NUMBL: variants seen among roughly 807,000 people sequenced by gnomAD.
The protein encoded by NUMBL is NUMB like endocytic adaptor protein, also known as numb-like protein.
NUMBL carries 20 observed loss-of-function variants against 48.9 expected under a neutral mutation model. The ratio of observed to expected loss-of-function variants is 0.41; its 90% confidence interval spans 0.29 to 0.59. The LOEUF is 0.59. NUMBL is among the 20% of genes least tolerant of loss of function. NUMBL has a pLI of 0.31. For synonymous variants in NUMBL, 340 were observed against 348.7 expected (o/e 0.98, Z 0.28); for missense variants, 660 against 846.2 (o/e 0.78, Z 2.73).
chr19:40,670,716 G>A (rs1325055487), intron 8 of NUMBL, among the ~76,000 whole-genome samples: 1 of 152,180 alleles, frequency 6.6e-6, no homozygotes, highest in Non-Finnish European at 1.5e-5. Flanking sequence ...GTGCTGCGGG[G>A]GCGCCCGGGT....
chr19:40,681,106 G>A, intron 5 of NUMBL, 49 bp from the exon 6 acceptor site: 1 of 1,596,856 alleles, frequency 6.3e-7, no homozygotes, highest in South Asian at 1.1e-5. Flanking sequence ...TCTCTTTCAA[G>A]TGTTCACTCA....
At position 40,682,314 on chromosome 19, in the gene NUMBL, T is replaced by C. The variant is rs956374605; in HGVS notation, c.399+414A>G. 4.6e-5 allele frequency among the ~76,000 whole-genome samples: 7 copies of C among 151,944 alleles called. No homozygotes were observed. The highest frequency in any genetic ancestry group is 3.4e-3 in the Middle Eastern group (1 of 292). On this transcript the variant is annotated intron_variant, in intron 5 of 9. Transcript: ENST00000252891. This position sits in a 1 kb window ranked among gnomAD's most constrained non-coding sequence, Gnocchi z 4.0. ...GCTAATTTTTGTATTTTTAGTGAGA[T>C]GAGGTTTCACCATATTGCCAGGCTG...
rs2081938846 is a variant in NUMBL, at chr19:40,687,017, A to G, written c.25-22T>C. On this transcript the variant is annotated intron_variant, in intron 1 of 9. Transcript: ENST00000252891. The surrounding 1 kb of genome is among the most constrained non-coding windows in gnomAD (Gnocchi z 4.6). ...CGCCCTGCCCGAGTAGGGGAGGAGA[A>G]GGTGAGAAGTTTGTCTGGGTTGGGG... The G allele has an allele frequency of 1.4e-6, 2 of 1,445,248 alleles. No homozygotes were observed. Among genetic ancestry groups the G allele is most frequent in the South Asian group, 2.8e-5 (2 of 71,774 alleles). 89.5% of individuals were successfully genotyped at this position (1,445,248 alleles called of 1,614,324 possible).
In NUMBL at chr19:40,684,356, A is replaced by G. The variant is rs1312715664; in HGVS notation, c.249+61T>C. ...TGTCCCAGCCAGGCCGCGCACCCGCACAGCACAGCACAGCGGCCCCCGTCC... is the reference window on the plus strand; with the variant it reads ...TGTCCCAGCCAGGCCGCGCACCCGCGCAGCACAGCACAGCGGCCCCCGTCC... On this transcript the variant is annotated intron_variant, in intron 3 of 9. Coordinates refer to ENST00000252891, the MANE Select transcript of NUMBL (RefSeq NM_004756.5). The G allele has an allele frequency of 2.7e-6, 4 of 1,505,000 alleles. No homozygotes were observed. The African/African-American group carries it at 4.2e-5, about 16-fold the overall frequency. 93.2% of individuals were successfully genotyped at this position (1,505,000 alleles called of 1,614,324 possible).
At chr19:40,675,180 A>G (rs2081869194) in intron 7 of NUMBL, among the ~76,000 whole-genome samples, 1 of 130,490 alleles carries the variant, frequency 7.7e-6, no homozygotes, top group African/African-American at 3.0e-5. Flanking sequence ...ACTTAGCTGG[A>G]CGTGGTGGCG....
Position 40,667,232 on chromosome 19 carries a change from G to A in NUMBL, c.*236C>T. ...GGGGAAGGGGGCATTGCCAGCCTAA[G>A]TCCGGCAGTGAAATGGTTCCCTTAG... On this transcript the variant is annotated 3_prime_UTR_variant, in exon 10 of 10. Coordinates refer to ENST00000252891, the MANE Select transcript of NUMBL (RefSeq NM_004756.5). The surrounding 1 kb of genome is among the most constrained non-coding windows in gnomAD (Gnocchi z 6.1). The A allele has an allele frequency of 1.7e-6, 1 of 571,846 alleles. No individual in the cohort carries two copies. The highest frequency in any genetic ancestry group is 2.1e-5 in the South Asian group (1 of 48,476). The allele number at this position is 571,846 out of a possible 1,614,324, so 35.4% of individuals were successfully genotyped here. A position where few individuals can be genotyped will look rare whatever the true frequency, so the allele number is the denominator to read the frequency against.
rs1213303982 is a variant in NUMBL at position 40,670,010 on chromosome 19, C to T, written c.1047G>A (p.Met349Ile). ...CACTGTCGCCGGCACCAGGAGGCTC[C>T]ATCTCAGGCACTGGGAAGCAGGGCA... The part of the protein sequence containing the change: ...DFQVKGTVPE[M>I]EPPGAGDSDS... The change falls in exon 9 of 10, where the codon ATG (methionine) becomes ATA (isoleucine). Residue 349 changes from methionine to isoleucine, a missense_variant. Physicochemically the swap from Met to Ile is conservative, Grantham distance 10. Around this residue, in one of 3 missense-constraint regions of NUMBL, gnomAD observed 278 missense variants for 420.6 expected, o/e 0.66. Transcript: ENST00000252891. The T allele has an allele frequency of 6.2e-7, 1 of 1,613,694 alleles. No individual in the cohort carries two copies. Among genetic ancestry groups the T allele is most frequent in the South Asian group, 1.1e-5 (1 of 91,036 alleles).
In NUMBL at chr19:40,690,556, T is replaced by TGGC. The variant is rs2144673258; in HGVS notation, c.-76_-74dup. 1 of 975,328 alleles carries TGGC rather than the reference T, an allele frequency of 1.0e-6. No homozygotes were observed. Among genetic ancestry groups the TGGC allele is most frequent in the East Asian group, 3.5e-5 (1 of 28,566 alleles). 60.4% of individuals were successfully genotyped at this position (975,328 alleles called of 1,614,324 possible). A position where few individuals can be genotyped will look rare whatever the true frequency, so the allele number is the denominator to read the frequency against. On this transcript the variant is annotated 5_prime_UTR_variant, in exon 1 of 10. Coordinates refer to ENST00000252891, the MANE Select transcript of NUMBL (RefSeq NM_004756.5). ...TCCCCGACTGCTGCTGCTGCGGTGG[T>TGGC]GGCGGCGGCAGCTCGGTCTGACGCC...
rs1315209322 is a variant in NUMBL at position 40,684,464 on chromosome 19, C to A, written c.202G>T (p.Ala68Ser). 2 of 1,588,320 alleles carry A rather than the reference C, an allele frequency of 1.3e-6. No individual in the cohort carries two copies. The highest frequency in any genetic ancestry group is 1.7e-6 in the Non-Finnish European group (2 of 1,168,710). ...PEASRPHQWQ[A>S]DEDAVRKGTC... ...CCCTTCCGCACCGCGTCCTCGTCTGCCTGCCACTGGTGCGGGCGCGACGCC... is the reference window on the plus strand; with the variant it reads ...CCCTTCCGCACCGCGTCCTCGTCTGACTGCCACTGGTGCGGGCGCGACGCC... The change falls in exon 3 of 10, where the codon GCA (alanine) becomes TCA (serine). Residue 68 changes from alanine (A) to serine (S), a missense_variant. Transcript: ENST00000252891.
intron 9 of NUMBL, among the ~76,000 whole-genome samples, chr19:40,669,082 T>G (rs2081832241): frequency 1.3e-5 from 2 of 152,140 alleles, no homozygotes; most frequent in Non-Finnish European, 2.9e-5. Context: ...CACATGCCTC[T>G]GAGGTGACCC....
chr19:40,665,940 T>C lies in NUMBL; in HGVS notation c.*1528A>G, dbSNP rs2081803374. 6.6e-6 allele frequency: 1 copy of C among 152,188 alleles called. No homozygotes were observed. The highest frequency in any genetic ancestry group is 1.5e-5 in the Non-Finnish European group (1 of 68,034). The allele number at this position is 152,188 out of a possible 1,614,324, so 9.4% of individuals were successfully genotyped here. A position where few individuals can be genotyped will look rare whatever the true frequency, so the allele number is the denominator to read the frequency against. On this transcript the variant is annotated 3_prime_UTR_variant, in exon 10 of 10. Coordinates refer to ENST00000252891, the MANE Select transcript of NUMBL (RefSeq NM_004756.5). ...CTATAACGAAACAAAATTTATATGT[T>C]ATATATTTTTAAAAATACATCTTAT... is the stretch of plus-strand genomic sequence containing the variant.
At position 40,684,439 on chromosome 19, in the gene NUMBL, C is replaced by T; in HGVS notation, c.227G>A (p.Gly76Asp). The T allele has an allele frequency of 6.4e-7, 1 of 1,574,504 alleles. No individual in the cohort carries two copies. Among genetic ancestry groups the T allele is most frequent in the African/African-American group, 1.3e-5 (1 of 74,168 alleles). The change falls in exon 3 of 10, where the codon GGC becomes GAC. Residue 76 changes from glycine (G) to aspartate (D), a missense_variant. Physicochemically the swap from Gly to Asp is moderately conservative, Grantham distance 94 (BLOSUM62 -1). Transcript: ENST00000252891. ...WQADEDAVRK[G>D]TCSFPVRYLG... ...CACCCTGACCGGGAAGCTGCACGTG[C>T]CCTTCCGCACCGCGTCCTCGTCTGC...
chr19:40,689,031 GGT>G (rs1416694233), intron 1 of NUMBL, among the ~76,000 whole-genome samples: 1 of 152,176 alleles, frequency 6.6e-6, no homozygotes, highest in East Asian at 1.9e-4. Context: ...TGCACAGACA[GGT>G]GTGTGTCACT....
chr19:40,678,646 A>G (rs2081890089), intron 6 of NUMBL, among the ~76,000 whole-genome samples: 1 of 152,184 alleles, frequency 6.6e-6, no homozygotes, highest in African/African-American at 2.4e-5. Flanking sequence ...AATGTTTGTC[A>G]TTTAAGCCAC....
At chr19:40,674,822 T>C (rs2081866114) in intron 7 of NUMBL, among the ~76,000 whole-genome samples, 1 of 152,016 alleles carries the variant, frequency 6.6e-6, no homozygotes, top group African/African-American at 2.4e-5. Context: ...GTTTAGGTAG[T>C]GAATGTTAAA....
chr19:40,689,380 A>G (rs1258535246), intron 1 of NUMBL, among the ~76,000 whole-genome samples: 1 of 152,048 alleles, frequency 6.6e-6, no homozygotes, highest in Non-Finnish European at 1.5e-5. Flanking sequence ...CACAGATACT[A>G]GGGTCACAGA....
intron 9 of NUMBL, 83 bp downstream of exon 9, chr19:40,669,815 G>A: frequency 3.3e-6 from 5 of 1,533,862 alleles, no homozygotes; most frequent in South Asian, 1.3e-5. Flanking sequence ...CAAGACCCCT[G>A]GAGTGTCTGG....
intron 8 of NUMBL, among the ~76,000 whole-genome samples, chr19:40,672,581 A>T (rs1599903448): frequency 6.6e-6 from 1 of 152,150 alleles, no homozygotes; most frequent in South Asian, 2.1e-4. Context: ...GTTTCTACTG[A>T]CCAAATTCTG....
intron 8 of NUMBL, among the ~76,000 whole-genome samples, chr19:40,671,670 CT>C (rs1454665346): frequency 6.6e-6 from 1 of 152,188 alleles, no homozygotes; most frequent in Admixed American, 6.5e-5. Context: ...GCAGCCCAGC[CT>C]CCTGGATACA....
Sources: gnomAD v4.1 joint callset for allele counts (sites outside exome capture counted in the v4.1 genomes callset) on GRCh38, gnomAD v4.1.1 for gene constraint, gnomAD v4.1.1 regional missense constraint, Gnocchi (gnomAD v3.1) non-coding constraint, MANE v1.5 for transcripts, NCBI Gene and HGNC (gene_info 2026-07-23, HGNC 2026-07-21) for gene names.